The following ATP2C1 variants were observed in gnomAD, a reference collection of about 807,000 sequenced individuals.
The protein encoded by ATP2C1 is ATPase secretory pathway Ca2+ transporting 1.
In ATP2C1, 31 loss-of-function variants were observed where a neutral mutation model predicts 120.5. The observed-to-expected ratio is 0.26, with a 90% confidence interval of 0.19 to 0.35. ATP2C1 has a LOEUF of 0.35. ATP2C1 is among the 10% of genes least tolerant of loss of function. ATP2C1 has a pLI of 1.00. For synonymous variants in ATP2C1, 351 were observed against 358.7 expected (o/e 0.98, Z 0.24); for missense variants, 731 against 1,107.5 (o/e 0.66, Z 4.83).
chr3:130,924,633 A>G (rs1559929542), intron 2 of ATP2C1, among the ~76,000 whole-genome samples: 1 of 152,148 alleles, frequency 6.6e-6, no homozygotes. Flanking sequence ...AGACCGGGGA[A>G]GTTTTCCTTG....
intron 20 of ATP2C1, among the ~76,000 whole-genome samples, chr3:130,981,850 A>G (rs1258780188): frequency 6.6e-6 from 1 of 152,186 alleles, no homozygotes; most frequent in East Asian, 1.9e-4. Flanking sequence ...CCATCCATAT[A>G]TCTTCTTTAG....
chr3:130,908,269 AC>A (rs2058233135), intron 2 of ATP2C1, among the ~76,000 whole-genome samples: 1 of 152,120 alleles, frequency 6.6e-6, no homozygotes, highest in Non-Finnish European at 1.5e-5. Flanking sequence ...CAGGATGTTT[AC>A]TGCAGCAACA....
chr3:130,877,481 T>C (rs956834637), intron 1 of ATP2C1, among the ~76,000 whole-genome samples: 4 of 152,092 alleles, frequency 2.6e-5, no homozygotes, highest in African/African-American at 9.7e-5. Flanking sequence ...GGGCAAAGGA[T>C]ATGAACAGAC....
intron 2 of ATP2C1, among the ~76,000 whole-genome samples, chr3:130,906,951 G>A (rs2058153912): frequency 6.6e-6 from 1 of 152,028 alleles, no homozygotes; most frequent in African/African-American, 2.4e-5. Context: ...TTGCAACTAG[G>A]AAGTGTGATG....
Position 130,894,260 on chromosome 3 carries a change from C to T in ATP2C1, c.-258C>T, listed in dbSNP as rs942730057. 8.1e-6 allele frequency: 8 copies of T among 985,852 alleles called. No individual in the cohort carries two copies. The highest frequency in any genetic ancestry group is 7.2e-6 in the Non-Finnish European group (6 of 830,430). The allele number at this position is 985,852 out of a possible 1,614,324, so 61.1% of individuals were successfully genotyped here. On this transcript the variant is annotated 5_prime_UTR_variant, in exon 1 of 28. Coordinates refer to ENST00000510168, the MANE Select transcript of ATP2C1 (RefSeq NM_001378687.1). This position sits in a 1 kb window ranked among gnomAD's most constrained non-coding sequence, Gnocchi z 4.5. Reference sequence around the variant, plus strand: ...CTGCCCCGCGAGCAGCTCCTCTTCTCCCGAGGCGCGCGGGGCGCCCCCGCG... The same window carrying T: ...CTGCCCCGCGAGCAGCTCCTCTTCTTCCGAGGCGCGCGGGGCGCCCCCGCG...
intron 3 of ATP2C1, 83 bp from the exon 4 acceptor site, chr3:130,931,939 T>C (rs760782781): frequency 1.2e-5 from 11 of 881,862 alleles, no homozygotes; most frequent in Non-Finnish European, 1.9e-5. Context: ...GTAAATGTGA[T>C]AATACATTAT....
At chr3:130,995,983 T>C (rs2062604231) in intron 22 of ATP2C1, 60 bp from the exon 23 acceptor site, 1 of 1,093,478 alleles carries the variant, frequency 9.1e-7, no homozygotes, top group Non-Finnish European at 1.4e-6. Flanking sequence ...AGTGTTTTAG[T>C]ATAGATACAT....
At chr3:130,906,149 A>G (rs942572693) in intron 2 of ATP2C1, among the ~76,000 whole-genome samples, 1 of 152,088 alleles carries the variant, frequency 6.6e-6, no homozygotes, top group Non-Finnish European at 1.5e-5. Context: ...GGTTTTTAGT[A>G]TAGTCACAAA....
At position 130,941,273 on chromosome 3, in the gene ATP2C1, T is replaced by C. The variant is rs1469103341; in HGVS notation, c.423-318T>C. ...GTGTGTGTGTGTGTGTGTCTGTGTG[T>C]GTGCGCGCACGCGCGCATGCATGCG... is the stretch of plus-strand genomic sequence containing the variant. On this transcript the variant is annotated intron_variant, in intron 7 of 27. Transcript: ENST00000510168. Among the ~76,000 whole-genome samples, 91 of 149,688 alleles carry C rather than the reference T, an allele frequency of 6.1e-4. 1 individual carries two copies. The highest frequency in any genetic ancestry group is 1.9e-3 in the African/African-American group (78 of 40,350).
chr3:130,914,202 C>A (rs2058578181), intron 2 of ATP2C1: 1 of 152,008 alleles, frequency 6.6e-6, no homozygotes, highest in Admixed American at 6.6e-5. Flanking sequence ...CAGTGTATTT[C>A]TTGCAGATCC....
chr3:131,000,595 TA>T (rs149230054), intron 27 of ATP2C1, among the ~76,000 whole-genome samples: 2,126 of 152,348 alleles, frequency 0.014, 44 homozygotes, highest in African/African-American at 0.049. Flanking sequence ...CTGTGTGATC[TA>T]TGAAATAAAC....
intron 1 of ATP2C1, among the ~76,000 whole-genome samples, chr3:130,887,043 G>A (rs1404023198): frequency 6.6e-6 from 1 of 152,220 alleles, no homozygotes; most frequent in East Asian, 1.9e-4. Flanking sequence ...GCGTGAGGGG[G>A]CACCTCAAGC....
chr3:130,916,627 A>G (rs1368743893), intron 2 of ATP2C1, among the ~76,000 whole-genome samples: 1 of 152,246 alleles, frequency 6.6e-6, no homozygotes, highest in East Asian at 1.9e-4. Flanking sequence ...AACAGCTGGT[A>G]CCATTGCAGG....
chr3:130,896,403 A>G (rs993040570), intron 2 of ATP2C1, among the ~76,000 whole-genome samples: 10 of 152,298 alleles, frequency 6.6e-5, no homozygotes, highest in African/African-American at 2.4e-4. Context: ...CAGTTCTTAA[A>G]AACGTGTGGG....
intron 8 of ATP2C1, 132 bp from the exon 9 acceptor site, chr3:130,953,689 G>T (rs1576862154): frequency 2.1e-6 from 2 of 931,276 alleles, no homozygotes; most frequent in East Asian, 4.8e-5. Flanking sequence ...CTTTTAGAGT[G>T]ATGGTTTTGA....
In ATP2C1 at chr3:131,002,539, G is replaced by C. The variant is rs1410599595; in HGVS notation, c.*1189G>C. The C allele has an allele frequency of 1.0e-6, 1 of 985,258 alleles. No homozygotes were observed. Among genetic ancestry groups the C allele is most frequent in the Non-Finnish European group, 1.2e-6 (1 of 829,928 alleles). 61.0% of individuals were successfully genotyped at this position (985,258 alleles called of 1,614,324 possible). ...CATGCTAGGGAAATAGGTGGATTTT[G>C]TGTGTAATGCCATCAGTTTTTATGA... On this transcript the variant is annotated 3_prime_UTR_variant, in exon 28 of 28. Coordinates refer to ENST00000510168, the MANE Select transcript of ATP2C1 (RefSeq NM_001378687.1).
At chr3:130,958,717 G>T (rs1559974928) in intron 11 of ATP2C1, among the ~76,000 whole-genome samples, 1 of 152,082 alleles carries the variant, frequency 6.6e-6, no homozygotes, top group African/African-American at 2.4e-5. Flanking sequence ...TTTTTGAAAT[G>T]CCATAAAAGT....
At chr3:130,984,572 T>G (rs2061912001) in intron 20 of ATP2C1, among the ~76,000 whole-genome samples, 1 of 152,190 alleles carries the variant, frequency 6.6e-6, no homozygotes, top group Non-Finnish European at 1.5e-5. Context: ...TATCCATATT[T>G]TTTATTTCTC....
chr3:131,000,596 A>C (rs1477639467), intron 27 of ATP2C1, among the ~76,000 whole-genome samples: 2 of 148,038 alleles, frequency 1.4e-5, no homozygotes, highest in Non-Finnish European at 2.9e-5. Context: ...TGTGTGATCT[A>C]TGAAATAAAC....
Sources: allele counts gnomAD v4.1 joint callset (sites outside exome capture counted in the v4.1 genomes callset), GRCh38; gene constraint gnomAD v4.1.1; non-coding constraint Gnocchi (gnomAD v3.1); transcripts MANE v1.5; gene names NCBI Gene and HGNC (gene_info 2026-07-23, HGNC 2026-07-21).